GRID2: variants seen among roughly 807,000 people sequenced by gnomAD.
GRID2 encodes the protein glutamate ionotropic receptor delta type subunit 2.
In GRID2, 33 loss-of-function variants were observed where a neutral mutation model predicts 114.8. The observed-to-expected ratio is 0.29, with a 90% CI of 0.22 to 0.38. The LOEUF is 0.38. Among genes scored for constraint, GRID2 ranks in the 10% least tolerant of loss-of-function variants. The probability of loss-of-function intolerance (pLI) is 1.00; values close to 1 mark genes in which losing one functional copy is unlikely to be tolerated. For missense variants in GRID2, 1,184 were observed against 1,257.7 expected, an observed-to-expected ratio of 0.94 and a Z score of 0.89; for synonymous variants, 505 against 449.9, an observed-to-expected ratio of 1.12 and a Z score of -1.55.
At chr4:93,470,192 G>A (rs1724667992) in intron 11 of GRID2, among the ~76,000 whole-genome samples, 2 of 152,038 alleles carry the variant, frequency 1.3e-5, no homozygotes, top group South Asian at 4.2e-4. Flanking sequence ...ATTGAATCTG[G>A]CCACAAACAA....
chr4:93,485,376 A>C (rs1726284476), intron 11 of GRID2, among the ~76,000 whole-genome samples: 3 of 151,746 alleles, frequency 2.0e-5, no homozygotes, highest in South Asian at 4.2e-4. Context: ...TTAACTATGA[A>C]GTATTATTGC....
intron 2 of GRID2, among the ~76,000 whole-genome samples, chr4:92,820,089 T>A (rs1404709310): frequency 6.6e-6 from 1 of 152,110 alleles, no homozygotes; most frequent in Non-Finnish European, 1.5e-5. Flanking sequence ...CTTTGCATAT[T>A]AAAGACTTTC....
chr4:93,042,679 CTATATATATATGCA>C (rs1442605607), intron 2 of GRID2, among the ~76,000 whole-genome samples: 3 of 136,936 alleles, frequency 2.2e-5, no homozygotes, highest in African/African-American at 8.1e-5. Flanking sequence ...CTCTATATAT[CTATATATATATGCA>C]TATATATATG....
intron 2 of GRID2, among the ~76,000 whole-genome samples, chr4:92,666,221 G>C (rs1732767897): frequency 6.6e-6 from 1 of 151,242 alleles, no homozygotes; most frequent in African/African-American, 2.4e-5. Context: ...TTTCATTTCA[G>C]TTATTATACT....
At chr4:92,647,263 C>T (rs1715529931) in intron 2 of GRID2, among the ~76,000 whole-genome samples, 1 of 152,142 alleles carries the variant, frequency 6.6e-6, no homozygotes, top group African/African-American at 2.4e-5. Flanking sequence ...ATGGTGTCAA[C>T]CACACAGTAA....
At chr4:93,512,562 T>C (rs116720207) in intron 12 of GRID2, among the ~76,000 whole-genome samples, 5 of 152,316 alleles carry the variant, frequency 3.3e-5, no homozygotes, top group Non-Finnish European at 7.4e-5. Flanking sequence ...AGAAAACCTG[T>C]AATTTTTATT....
chr4:92,539,772 C>T (rs541161604), intron 1 of GRID2, among the ~76,000 whole-genome samples: 17 of 152,066 alleles, frequency 1.1e-4, no homozygotes, highest in Non-Finnish European at 1.6e-4. Context: ...TAATATGTTT[C>T]TTTACGTAAA....
At position 92,566,203 on chromosome 4, in the gene GRID2, C is replaced by T. The variant is rs147530395; in HGVS notation, c.89-23928C>T. Among the ~76,000 whole-genome samples, 26 of 151,540 alleles carry T rather than the reference C, an allele frequency of 1.7e-4. No homozygotes were observed. The East Asian group carries it at 2.1e-3, about 12-fold the overall frequency. ...ATGTTAAGATAAAAGTAAAGCTGCT[C>T]AATGGAGAGCATCTCAAAATATGAT... On this transcript the variant is annotated intron_variant, in intron 1 of 15. Coordinates refer to ENST00000282020, the MANE Select transcript of GRID2 (RefSeq NM_001510.4).
At chr4:93,097,840 T>C (rs191324989) in intron 3 of GRID2, among the ~76,000 whole-genome samples, 1 of 152,030 alleles carries the variant, frequency 6.6e-6, no homozygotes, top group African/African-American at 2.4e-5. Flanking sequence ...TTGATCAAAA[T>C]GAGCCATTTT....
intron 7 of GRID2, among the ~76,000 whole-genome samples, chr4:93,232,052 T>C (rs560684439): frequency 6.6e-6 from 1 of 152,254 alleles, no homozygotes; most frequent in East Asian, 1.9e-4. Context: ...ACTAAATCAT[T>C]TGTACAATGA....
intron 7 of GRID2, among the ~76,000 whole-genome samples, chr4:93,225,839 T>G (rs900169190): frequency 6.6e-6 from 1 of 152,164 alleles, no homozygotes; most frequent in African/African-American, 2.4e-5. Context: ...GTTTTTTGGC[T>G]TATGATTCTC....
At chr4:92,672,338 A>C (rs1301595577) in intron 2 of GRID2, among the ~76,000 whole-genome samples, 1 of 152,136 alleles carries the variant, frequency 6.6e-6, no homozygotes, top group Non-Finnish European at 1.5e-5. Flanking sequence ...CATGAACTTT[A>C]AATTTTCAGC....
chr4:92,797,320 T>C (rs1179051293), intron 2 of GRID2, among the ~76,000 whole-genome samples: 1 of 151,998 alleles, frequency 6.6e-6, no homozygotes, highest in East Asian at 1.9e-4. Context: ...ACAATGATCA[T>C]CACATGGCAT....
chr4:93,496,595 G>A (rs111773822), intron 12 of GRID2, among the ~76,000 whole-genome samples: 32 of 151,658 alleles, frequency 2.1e-4, no homozygotes, highest in East Asian at 1.2e-3. Context: ...TAAGTTTTGC[G>A]TTTCAAGAGT....
chr4:93,006,218 TACCTC>T (rs1413755856), intron 2 of GRID2, among the ~76,000 whole-genome samples: 1 of 152,054 alleles, frequency 6.6e-6, no homozygotes, highest in Non-Finnish European at 1.5e-5. Context: ...AATTTAAAAT[TACCTC>T]AGCAAAGTAT....
At chr4:92,974,741 G>A (rs1753746004) in intron 2 of GRID2, among the ~76,000 whole-genome samples, 2 of 151,982 alleles carry the variant, frequency 1.3e-5, no homozygotes, top group Admixed American at 6.6e-5. Flanking sequence ...TGCAGGTGAT[G>A]GGTTGATGGG....
chr4:93,299,499 A>G (rs1011275019), intron 8 of GRID2, among the ~76,000 whole-genome samples: 5 of 139,710 alleles, frequency 3.6e-5, no homozygotes, highest in Non-Finnish European at 7.6e-5. Context: ...AATCTGAACA[A>G]TGAGAACACA....
intron 13 of GRID2, among the ~76,000 whole-genome samples, chr4:93,617,664 A>C (rs1458376800): frequency 1.3e-5 from 2 of 152,136 alleles, no homozygotes; most frequent in Non-Finnish European, 2.9e-5. Flanking sequence ...TCAGAAAAAA[A>C]CCAGTATCGA....
intron 1 of GRID2, among the ~76,000 whole-genome samples, chr4:92,466,155 A>G (rs1413067746): frequency 6.6e-6 from 1 of 151,850 alleles, no homozygotes; most frequent in Non-Finnish European, 1.5e-5. Context: ...TACACTATAT[A>G]TATGTTACAG....
Sources: allele counts gnomAD v4.1 joint callset (sites outside exome capture counted in the v4.1 genomes callset), GRCh38; gene constraint gnomAD v4.1.1; transcripts MANE v1.5; gene names NCBI Gene and HGNC (gene_info 2026-07-23, HGNC 2026-07-21).